The following COBLL1 variants were observed in gnomAD, a reference collection of about 807,000 sequenced individuals.
COBLL1 encodes the protein cordon-bleu protein-like 1.
COBLL1 carries 50 observed loss-of-function variants against 94.8 expected under a neutral mutation model. The observed-to-expected ratio is 0.53, with a 90% CI of 0.42 to 0.67. COBLL1 has a LOEUF of 0.67. Among genes scored for constraint, COBLL1 ranks in the 30% least tolerant of loss-of-function variants. COBLL1 has a pLI of 0.00. For synonymous variants in COBLL1, 448 were observed against 473.8 expected (o/e 0.95, Z 0.71); for missense variants, 1,362 against 1,348.7 (o/e 1.01, Z -0.15).
intron 2 of COBLL1, among the ~76,000 whole-genome samples, chr2:164,799,438 A>G (rs556873962): frequency 6.6e-6 from 1 of 152,296 alleles, no homozygotes; most frequent in East Asian, 1.9e-4. Context: ...AAACTACATA[A>G]CATAGATGAA....
At position 164,692,252 on chromosome 2, in the gene COBLL1, C is replaced by T. The variant is rs374610034; in HGVS notation, c.3269G>A (p.Arg1090His). 14 of 1,611,168 alleles carry T rather than the reference C, an allele frequency of 8.7e-6. No homozygotes were observed. Among genetic ancestry groups the T allele is most frequent in the East Asian group, 2.2e-5 (1 of 44,754 alleles). ...QMRQSLLTAI[R>H]SGEAAAKLKR... ...CAATTTGGCAGCAGCCTCTCCCGAA[C>T]GGATTGCAGTCAGCAAACTCTGTCG... Residue 1090 changes from arginine to histidine, a missense_variant, in exon 13 of 14, where the codon CGT becomes CAT. By Grantham distance (29) the Arg-to-His change is conservative (BLOSUM62 0). Transcript: ENST00000652658.
At chr2:164,709,839 A>C (rs2105468819) in intron 7 of COBLL1, among the ~76,000 whole-genome samples, 1 of 152,382 alleles carries the variant, frequency 6.6e-6, no homozygotes, top group African/African-American at 2.4e-5. Flanking sequence ...GCTGTTAATA[A>C]TGGTTAAAAC....
At chr2:164,659,315 T>C (rs1691033118) in intron 2 of COBLL1, among the ~76,000 whole-genome samples, 1 of 152,176 alleles carries the variant, frequency 6.6e-6, no homozygotes, top group African/African-American at 2.4e-5. Flanking sequence ...TCCATCAGTA[T>C]ACAAGTTGAG....
chr2:164,700,234 A>G (rs753935566), intron 10 of COBLL1, among the ~76,000 whole-genome samples: 1 of 152,196 alleles, frequency 6.6e-6, no homozygotes, highest in Non-Finnish European at 1.5e-5. Context: ...ATAGGTTAAC[A>G]GGCAAAACAC....
Position 164,757,813 on chromosome 2 carries a change from A to T in COBLL1, c.42-13938T>A, listed in dbSNP as rs190879730. On this transcript the variant is annotated intron_variant, in intron 2 of 13. Coordinates refer to ENST00000652658, the MANE Select transcript of COBLL1 (RefSeq NM_001365672.2). ...GGTGACAGTGAGACTCTGTCTCAAA[A>T]AATAATAATAATAATAATAAAATAT... 3.4e-3 allele frequency among the ~76,000 whole-genome samples: 516 copies of T among 151,390 alleles called. 2 individuals are homozygous for T. Among genetic ancestry groups the T allele is most frequent in the African/African-American group, 0.012 (494 of 41,362 alleles).
At chr2:164,782,235 T>C (rs1688751441) in intron 2 of COBLL1, among the ~76,000 whole-genome samples, 1 of 152,216 alleles carries the variant, frequency 6.6e-6, no homozygotes, top group Non-Finnish European at 1.5e-5. Flanking sequence ...CCTTTATTAC[T>C]ACTTCTTCTT....
intron 2 of COBLL1, among the ~76,000 whole-genome samples, chr2:164,773,366 A>C (rs1688300156): frequency 6.6e-6 from 1 of 152,150 alleles, no homozygotes; most frequent in African/African-American, 2.4e-5. Flanking sequence ...GTAAGAACAT[A>C]ATGAACAGCA....
intron 1 of COBLL1, among the ~76,000 whole-genome samples, chr2:164,667,435 A>G (rs1213116464): frequency 4.6e-5 from 7 of 152,244 alleles, no homozygotes; most frequent in Non-Finnish European, 1.0e-4. Context: ...GAAGCCATTC[A>G]TTGACTTCTC....
At chr2:164,801,438 CAAAAAAAAAAAAAA>C (rs143505097) in intron 2 of COBLL1, among the ~76,000 whole-genome samples, 46 of 28,184 alleles carry the variant, frequency 1.6e-3, no homozygotes, top group African/African-American at 5.5e-3. Flanking sequence ...GACTCCGTCT[CAAAAAAAAAAAAAA>C]AAAAAAAAAA....
intron 2 of COBLL1, chr2:164,773,791 G>T: frequency 7.9e-7 from 1 of 1,260,458 alleles, no homozygotes; most frequent in Non-Finnish European, 1.0e-6. Context: ...GTCCTGCTCT[G>T]TTACTAACTC....
chr2:164,719,313 C>T (rs756433508), intron 7 of COBLL1, among the ~76,000 whole-genome samples: 7 of 152,118 alleles, frequency 4.6e-5, no homozygotes, highest in South Asian at 2.1e-4. Flanking sequence ...ACTGTGAATT[C>T]AAATTGCAAC....
At chr2:164,689,008 T>C (rs1683451711) in intron 13 of COBLL1, among the ~76,000 whole-genome samples, 1 of 152,148 alleles carries the variant, frequency 6.6e-6, no homozygotes, top group Non-Finnish European at 1.5e-5. Flanking sequence ...TCTTACTCTT[T>C]GTAAATAATT....
At chr2:164,711,880 TTTAG>T (rs1684917884) in intron 7 of COBLL1, among the ~76,000 whole-genome samples, 1 of 152,218 alleles carries the variant, frequency 6.6e-6, no homozygotes, top group Non-Finnish European at 1.5e-5. Context: ...AATTATTTAC[TTTAG>T]TTAGAGTCAC....
At chr2:164,837,641 TTAGA>T (rs1429151981) in intron 2 of COBLL1, 6 of 366,098 alleles carry the variant, frequency 1.6e-5, no homozygotes, top group Admixed American at 8.0e-5. Flanking sequence ...TATACATGAA[TTAGA>T]TAGGAGTATA....
chr2:164,832,448 G>A (rs1248506506), intron 2 of COBLL1, among the ~76,000 whole-genome samples: 2 of 151,858 alleles, frequency 1.3e-5, no homozygotes, highest in East Asian at 1.9e-4. Context: ...CTTAGCATTC[G>A]ATCCTATTTA....
At chr2:164,814,986 G>A (rs761075900) in intron 2 of COBLL1, among the ~76,000 whole-genome samples, 4 of 152,044 alleles carry the variant, frequency 2.6e-5, no homozygotes, top group East Asian at 3.9e-4. Flanking sequence ...TTAACTTACC[G>A]TGTTGACTTC....
rs116696190 is a variant in COBLL1, at chr2:164,759,858, C to T, written c.42-15983G>A. On this transcript the variant is annotated intron_variant, in intron 2 of 13. Coordinates refer to ENST00000652658, the MANE Select transcript of COBLL1 (RefSeq NM_001365672.2). ...TGCAAATTAAAGCTATGATGATCTACCACTACACACCTAAATTTTAAAATA... is the reference window on the plus strand; with the variant it reads ...TGCAAATTAAAGCTATGATGATCTATCACTACACACCTAAATTTTAAAATA... Among the ~76,000 whole-genome samples the T allele has an allele frequency of 2.7e-3, 411 of 152,270 alleles. 1 individual carries two copies. The highest frequency in any genetic ancestry group is 5.1e-3 in the Non-Finnish European group (344 of 68,016).
At chr2:164,719,924 AAC>A (rs1685362152) in intron 7 of COBLL1, among the ~76,000 whole-genome samples, 2 of 152,146 alleles carry the variant, frequency 1.3e-5, no homozygotes. Context: ...GAATAAAAGA[AAC>A]AGTGACAAGA....
At chr2:164,701,799 G>T (rs926964575) in intron 9 of COBLL1, among the ~76,000 whole-genome samples, 1 of 149,298 alleles carries the variant, frequency 6.7e-6, no homozygotes, top group African/African-American at 2.5e-5. Flanking sequence ...GCCAGAGTGA[G>T]GTTCTGGATT....
Sources: gnomAD v4.1 joint callset for allele counts (sites outside exome capture counted in the v4.1 genomes callset) on GRCh38, gnomAD v4.1.1 for gene constraint, MANE v1.5 for transcripts, NCBI Gene and HGNC (gene_info 2026-07-23, HGNC 2026-07-21) for gene names.